Variants in PNPLA6 observed in about 807,000 individuals in gnomAD.
PNPLA6 encodes patatin-like phospholipase domain-containing protein 6.
A neutral mutation model predicts 153.7 loss-of-function variants in PNPLA6; 105 were observed. The ratio of observed to expected loss-of-function variants is 0.68; its 90% CI spans 0.58 to 0.80. The LOEUF is 0.80. Ranked by LOEUF, PNPLA6 falls within the 30% of genes least tolerant of loss-of-function variation. PNPLA6 has a pLI of 0.00. For missense variants in PNPLA6, 1,423 were observed against 1,919.3 expected (o/e 0.74, Z 4.83); for synonymous variants, 825 against 822.2 (o/e 1.00, Z -0.06).
At chr19:7,544,155 A>G in intron 13 of PNPLA6, among the ~76,000 whole-genome samples, 1 of 142,800 alleles carries the variant, frequency 7.0e-6, no homozygotes, top group Non-Finnish European at 1.5e-5. Context: ...GTTGTCACCC[A>G]GGCTGGAGTG....
At chr19:7,553,816 G>C in intron 18 of PNPLA6, 59 bp from the exon 19 acceptor site, 1 of 1,604,290 alleles carries the variant, frequency 6.2e-7, no homozygotes, top group Non-Finnish European at 8.5e-7. Context: ...GGAGGAGGAG[G>C]GTTCATCTCT....
At position 7,555,626 on chromosome 19, in the gene PNPLA6, G is replaced by A. The variant is rs1400699469; in HGVS notation, c.2956G>A (p.Val986Ile). 25 of 1,612,364 alleles carry A rather than the reference G, an allele frequency of 1.6e-5. No individual in the cohort carries two copies. Among genetic ancestry groups the A allele is most frequent in the Middle Eastern group, 4.0e-4 (2 of 4,976 alleles). The change falls in exon 24 of 32, where the codon GTA becomes ATA. Residue 986 changes from valine (V) to isoleucine (I), a missense_variant. Coordinates refer to ENST00000600737, the MANE Select transcript of PNPLA6 (RefSeq NM_001166114.2). This position sits in a 1 kb window ranked among gnomAD's most constrained non-coding sequence, Gnocchi z 6.3. Reference protein sequence around the residue: ...GGARGCSHIGVLKALEEAGVP... With the variant: ...GGARGCSHIGILKALEEAGVP... The stretch of plus-strand genomic sequence containing the variant: ...CGGCAGGGGCTGCTCGCACATCGGA[G>A]TACTAAAGGCATTAGAGGAGGCGGG...
Position 7,553,857 on chromosome 19 carries a change from C to G in PNPLA6, c.2261-18C>G. The G allele has an allele frequency of 6.2e-7, 1 of 1,614,190 alleles. No individual in the cohort carries two copies. On this transcript the variant is annotated intron_variant, in intron 18 of 31. Coordinates refer to ENST00000600737, the MANE Select transcript of PNPLA6 (RefSeq NM_001166114.2). ...CACAGGTTCGCACCACAAATCTCAT[C>G]CATTGGGTTCTTAGCAGGCTCTGGG...
rs1056939040 is a variant in PNPLA6, at chr19:7,535,883, G to T, written c.95G>T (p.Gly32Val). ...CAGGACGTCCTGGCGCCCGGGGAAGGCTCGGCGGGACGGATTTGCGGTGCG... is the reference window on the plus strand; with the variant it reads ...CAGGACGTCCTGGCGCCCGGGGAAGTCTCGGCGGGACGGATTTGCGGTGCG... ...GFQDVLAPGE[G>V]SAGRICGAQP... Residue 32 changes from glycine (G) to valine (V), a missense_variant, in exon 1 of 32, where the codon GGC becomes GTC. By Grantham distance (109) the Gly-to-Val change is moderately radical (BLOSUM62 -3). Transcript: ENST00000600737. This position sits in a 1 kb window ranked among gnomAD's most constrained non-coding sequence, Gnocchi z 5.0. The T allele has an allele frequency of 3.9e-6, 6 of 1,544,710 alleles. No individual in the cohort carries two copies. Among genetic ancestry groups the T allele is most frequent in the Admixed American group, 2.0e-5 (1 of 51,280 alleles).
At position 7,536,113 on chromosome 19, in the gene PNPLA6, T is replaced by C. The variant is rs115515588; in HGVS notation, c.233-78T>C. On this transcript the variant is annotated intron_variant, in intron 1 of 31. Coordinates refer to ENST00000600737, the MANE Select transcript of PNPLA6 (RefSeq NM_001166114.2). ...CGGCAGAGATGGGGATTTGCTGGCG[T>C]CTGTTCGCGGTACCCCAGCTCTGGC... is the stretch of plus-strand genomic sequence containing the variant. 5.0e-3 allele frequency: 7,790 copies of C among 1,549,818 alleles called. 307 individuals carry two copies. In the African/African-American group the frequency reaches 0.092, roughly 18 times the overall value.
chr19:7,534,388 C>T, upstream of PNPLA6: 1 of 168,306 alleles, frequency 5.9e-6, no homozygotes, highest in East Asian at 1.6e-4. Flanking sequence ...GGTGTTTCCA[C>T]ACCGGTAGCC....
At chr19:7,556,600 C>A in intron 25 of PNPLA6, 31 bp downstream of exon 25, 1 of 1,585,438 alleles carries the variant, frequency 6.3e-7, no homozygotes, top group Non-Finnish European at 8.7e-7. Context: ...GCCCTGCCTA[C>A]CCCTCCCCGG....
rs1257343276 is a variant in PNPLA6, at chr19:7,555,400, C to T, written c.2936+33C>T. ...CGGGGCTTGCTCTCTGGGGGCGGGG[C>T]CTGGATGTCCGAGGGTGGAGCTTCC... is the stretch of plus-strand genomic sequence containing the variant. On this transcript the variant is annotated intron_variant, in intron 23 of 31. Transcript: ENST00000600737. This position sits in a 1 kb window ranked among gnomAD's most constrained non-coding sequence, Gnocchi z 6.3. The T allele has an allele frequency of 1.4e-6, 2 of 1,450,706 alleles. No individual in the cohort carries two copies. The highest frequency in any genetic ancestry group is 3.9e-5 in the Admixed American group (2 of 50,828). 89.9% of individuals were successfully genotyped at this position (1,450,706 alleles called of 1,614,324 possible).
rs865966998 is a variant in PNPLA6 at position 7,539,941 on chromosome 19, C to A, written c.437C>A (p.Thr146Lys). The change falls in exon 4 of 32, where the codon ACG becomes AAG. Residue 146 changes from threonine (T) to lysine (K), a missense_variant. By Grantham distance (78) the Thr-to-Lys change is moderately conservative. Around this residue, in one of 10 missense-constraint regions of PNPLA6, gnomAD observed 74 missense variants for 171.3 expected, o/e 0.43. Transcript: ENST00000600737. ...AGGATCCTGCGCATCCAGAAAGAGACGCCCACGCTGCAGCGGAAGGAGCCC... is the reference window on the plus strand; with the variant it reads ...AGGATCCTGCGCATCCAGAAAGAGAAGCCCACGCTGCAGCGGAAGGAGCCC... ...AKKILRIQKETPTLQRKEPPP... is the reference protein window; with the variant it reads ...AKKILRIQKEKPTLQRKEPPP... 1.3e-6 allele frequency: 2 copies of A among 1,557,602 alleles called. No homozygotes were observed. Among genetic ancestry groups the A allele is most frequent in the South Asian group, 1.2e-5 (1 of 85,118 alleles).
Position 7,555,281 on chromosome 19 carries a change from C to G in PNPLA6, c.2850C>G (p.Arg950=). The G allele has an allele frequency of 1.9e-6, 3 of 1,595,680 alleles. No homozygotes were observed. Among genetic ancestry groups the G allele is most frequent in the Non-Finnish European group, 2.6e-6 (3 of 1,171,164 alleles). The change falls in exon 23 of 32, where the codon CGC becomes CGG. Residue 950 remains arginine, a synonymous_variant. Transcript: ENST00000600737. The surrounding 1 kb of genome is among the most constrained non-coding windows in gnomAD (Gnocchi z 6.3). ...HELYEKVFSR[R]ADRHSDFSRL... ...TCTACGAGAAGGTTTTCTCCAGGCG[C>G]GCGGACCGGCACAGCGACTTCTCCC... is the stretch of plus-strand genomic sequence containing the variant.
At position 7,561,007 on chromosome 19, in the gene PNPLA6, C is replaced by T. The variant is rs1244463184; in HGVS notation, c.3817-7C>T. On this transcript the variant is annotated splice_region_variant and splice_polypyrimidine_tract_variant and intron_variant, in intron 29 of 31. Coordinates refer to ENST00000600737, the MANE Select transcript of PNPLA6 (RefSeq NM_001166114.2). The stretch of plus-strand genomic sequence containing the variant: ...CCCCTAAGAGCCTCACCAGTGTCAC[C>T]CCACAGGTGCTTGCCTTCCCAAGCT... 11 of 1,600,640 alleles carry T rather than the reference C, an allele frequency of 6.9e-6. No homozygotes were observed. Among genetic ancestry groups the T allele is most frequent in the Middle Eastern group, 1.6e-4 (1 of 6,076 alleles).
At chr19:7,551,178 T>C (rs2023630980) in intron 17 of PNPLA6, 71 bp downstream of exon 17, 2 of 550,790 alleles carry the variant, frequency 3.6e-6, no homozygotes, top group African/African-American at 3.0e-5. Context: ...GGGCCTAGTG[T>C]GTGGGCGGGG....
At chr19:7,534,965 T>TCTTC (rs1469560546), upstream of PNPLA6, 2 of 159,994 alleles carry the variant, frequency 1.3e-5, no homozygotes, top group Non-Finnish European at 2.8e-5. Flanking sequence ...AGCTCCTGGG[T>TCTTC]CTTCCCCGGG....
In PNPLA6 at chr19:7,555,504, G is replaced by T. The variant is rs1321789057; in HGVS notation, c.2937-103G>T. On this transcript the variant is annotated intron_variant, in intron 23 of 31. Coordinates refer to ENST00000600737, the MANE Select transcript of PNPLA6 (RefSeq NM_001166114.2). This position sits in a 1 kb window ranked among gnomAD's most constrained non-coding sequence, Gnocchi z 6.3. ...CGGGAGAGACCCCGTGGGTAGGGGC[G>T]GGTCCTTTGTTCCTTAGCAGTGCGG... 12 of 1,420,982 alleles carry T rather than the reference G, an allele frequency of 8.4e-6. No homozygotes were observed. Among genetic ancestry groups the T allele is most frequent in the Non-Finnish European group, 1.2e-5 (12 of 1,035,010 alleles). The allele number at this position is 1,420,982 out of a possible 1,614,324, so 88.0% of individuals were successfully genotyped here.
At chr19:7,550,741 G>A in intron 16 of PNPLA6, 101 bp downstream of exon 16, 1 of 1,448,748 alleles carries the variant, frequency 6.9e-7, no homozygotes, top group Admixed American at 1.9e-5. Flanking sequence ...GGTGAATGCA[G>A]CTCCCGACCT....
rs752359390 is a variant in PNPLA6 at position 7,535,917 on chromosome 19, G to A, written c.129G>A (p.Val43=). The A allele has an allele frequency of 7.7e-6, 12 of 1,568,294 alleles. No homozygotes were observed. Among genetic ancestry groups the A allele is most frequent in the Non-Finnish European group, 1.0e-5 (12 of 1,162,836 alleles). The change falls in exon 1 of 32, where the codon GTG becomes GTA. Residue 43 remains valine, a synonymous_variant. Transcript: ENST00000600737. The surrounding 1 kb of genome is among the most constrained non-coding windows in gnomAD (Gnocchi z 5.0). The part of the protein sequence containing the change: ...SAGRICGAQP[V]PFVPQVLGVM... ...GACGGATTTGCGGTGCGCAGCCAGT[G>A]CCGTTCGTCCCTCAGGTGCTTGGCG...
In PNPLA6 at chr19:7,541,961, G is replaced by C; in HGVS notation, c.1169-23G>C. 6.3e-7 allele frequency: 1 copy of C among 1,594,046 alleles called. No homozygotes were observed. The highest frequency in any genetic ancestry group is 8.6e-7 in the Non-Finnish European group (1 of 1,167,700). On this transcript the variant is annotated intron_variant, in intron 9 of 31. Transcript: ENST00000600737. This position sits in a 1 kb window ranked among gnomAD's most constrained non-coding sequence, Gnocchi z 5.2. ...CTCCTAGTGGCTCTGAGGGGCAGGA[G>C]CCTGAACATGTGTCTCCCCCAGGGG...
At chr19:7,551,263 G>C in intron 17 of PNPLA6, 99 bp from the exon 18 acceptor site, 1 of 1,290,528 alleles carries the variant, frequency 7.7e-7, no homozygotes, top group Non-Finnish European at 1.1e-6. Context: ...GTGGGACCCA[G>C]GTAACGGGCA....
At chr19:7,545,639 C>T (rs1264967023) in intron 13 of PNPLA6, among the ~76,000 whole-genome samples, 3 of 152,124 alleles carry the variant, frequency 2.0e-5, no homozygotes, top group South Asian at 4.2e-4. Flanking sequence ...TGGCTGGGCA[C>T]GGTGGCTCAC....
Sources: gnomAD v4.1 joint callset for allele counts (sites outside exome capture counted in the v4.1 genomes callset) on GRCh38, gnomAD v4.1.1 for gene constraint, gnomAD v4.1.1 regional missense constraint, Gnocchi (gnomAD v3.1) non-coding constraint, MANE v1.5 for transcripts, NCBI Gene and HGNC (gene_info 2026-07-23, HGNC 2026-07-21) for gene names.